LHFPL3: variants seen among roughly 807,000 people sequenced by gnomAD.
The protein encoded by LHFPL3 is LHFPL tetraspan subfamily member 3 protein.
In LHFPL3, 5 loss-of-function variants were observed where a neutral mutation model predicts 19.3. That is an observed-to-expected ratio of 0.26 (90% confidence interval 0.14 to 0.54). The LOEUF (loss-of-function observed/expected upper bound fraction) is 0.54, where lower values mean the gene tolerates loss of function less well. Ranked by LOEUF, LHFPL3 falls within the 20% of genes least tolerant of loss-of-function variation. LHFPL3 has a pLI of 0.94. For missense variants in LHFPL3, 249 were observed against 307.4 expected, an observed-to-expected ratio of 0.81 and a Z score of 1.42; for synonymous variants, 133 against 126.2, an observed-to-expected ratio of 1.05 and a Z score of -0.36.
chr7:104,475,806 G>A (rs1792999090), intron 1 of LHFPL3, among the ~76,000 whole-genome samples: 1 of 152,196 alleles, frequency 6.6e-6, no homozygotes, highest in Non-Finnish European at 1.5e-5. Context: ...TGATTTCGGG[G>A]AAGGCTTGTT....
chr7:104,862,048 C>A (rs540825785), intron 2 of LHFPL3, among the ~76,000 whole-genome samples: 6 of 151,988 alleles, frequency 3.9e-5, no homozygotes, highest in Admixed American at 6.6e-5. Flanking sequence ...GCGATGCTGC[C>A]GAGTATCTCT....
chr7:104,386,849 A>G (rs889032490), intron 1 of LHFPL3, among the ~76,000 whole-genome samples: 1 of 151,730 alleles, frequency 6.6e-6, no homozygotes, highest in Non-Finnish European at 1.5e-5. Flanking sequence ...AAAACACAAA[A>G]GAGCACCAAC....
intron 1 of LHFPL3, among the ~76,000 whole-genome samples, chr7:104,501,052 T>C (rs1793590633): frequency 1.3e-5 from 2 of 152,208 alleles, no homozygotes; most frequent in Admixed American, 1.3e-4. Flanking sequence ...CTCTTGCCTC[T>C]GCATCTTTAT....
At chr7:104,438,307 A>G (rs1431283101) in intron 1 of LHFPL3, among the ~76,000 whole-genome samples, 1 of 152,164 alleles carries the variant, frequency 6.6e-6, no homozygotes, top group African/African-American at 2.4e-5. Context: ...TTTCTCTGTA[A>G]TCTTACCTTG....
At chr7:104,550,798 G>T (rs897292331) in intron 1 of LHFPL3, among the ~76,000 whole-genome samples, 3 of 152,092 alleles carry the variant, frequency 2.0e-5, no homozygotes, top group Admixed American at 1.3e-4. Flanking sequence ...TCATTTTTAT[G>T]ATTTTAAACA....
intron 1 of LHFPL3, among the ~76,000 whole-genome samples, chr7:104,504,164 T>C (rs41033): frequency 0.2 from 30,610 of 152,084 alleles, 4,247 homozygotes; most frequent in African/African-American, 0.39. Context: ...TCTACTTCTT[T>C]ATGTGGAATT....
intron 1 of LHFPL3, among the ~76,000 whole-genome samples, chr7:104,468,278 C>T (rs866911217): frequency 7.9e-5 from 12 of 152,142 alleles, no homozygotes; most frequent in South Asian, 4.1e-4. Flanking sequence ...AACCAAAACT[C>T]GTATGAGGGT....
intron 2 of LHFPL3, among the ~76,000 whole-genome samples, chr7:104,794,984 T>G (rs1790092184): frequency 6.6e-6 from 1 of 152,232 alleles, no homozygotes; most frequent in African/African-American, 2.4e-5. Flanking sequence ...ATAATCCAAC[T>G]AGGTGGTTAG....
intron 1 of LHFPL3, among the ~76,000 whole-genome samples, chr7:104,482,823 G>A (rs1235322405): frequency 6.6e-6 from 1 of 152,188 alleles, no homozygotes; most frequent in Non-Finnish European, 1.5e-5. Flanking sequence ...CAGCTCCCGG[G>A]CTGGCTGTGG....
At chr7:104,819,690 C>G (rs1321263520) in intron 2 of LHFPL3, among the ~76,000 whole-genome samples, 17 of 152,206 alleles carry the variant, frequency 1.1e-4, no homozygotes, top group East Asian at 1.9e-4. Flanking sequence ...AAGTCCTTTG[C>G]TTGAAAGTAA....
chr7:104,425,839 G>A (rs532913479), intron 1 of LHFPL3, among the ~76,000 whole-genome samples: 3 of 152,294 alleles, frequency 2.0e-5, no homozygotes, highest in Non-Finnish European at 4.4e-5. Context: ...TAAATGGAGT[G>A]TTCCTTTCAC....
At chr7:104,557,477 G>C (rs937710744) in intron 1 of LHFPL3, among the ~76,000 whole-genome samples, 2 of 151,904 alleles carry the variant, frequency 1.3e-5, no homozygotes, top group Admixed American at 6.6e-5. Context: ...TGAGAACAGC[G>C]CAGGAAAGAC....
chr7:104,430,419 C>CATATATATATGTAT (rs1791959875), intron 1 of LHFPL3, among the ~76,000 whole-genome samples: 1 of 14,662 alleles, frequency 6.8e-5, no homozygotes, highest in Non-Finnish European at 1.4e-4. Context: ...TATATATATA[C>CATATATATATGTAT]ATATATATAT....
chr7:104,404,111 C>T (rs952879652), intron 1 of LHFPL3, among the ~76,000 whole-genome samples: 1 of 152,140 alleles, frequency 6.6e-6, no homozygotes, highest in African/African-American at 2.4e-5. Context: ...CAGCCCTTTA[C>T]AGAAAAAACT....
chr7:104,687,747 C>G (rs1425953709), intron 1 of LHFPL3, among the ~76,000 whole-genome samples: 1 of 152,166 alleles, frequency 6.6e-6, no homozygotes, highest in Non-Finnish European at 1.5e-5. Context: ...CAACAGGCAC[C>G]AGTATTGATA....
At chr7:104,762,713 T>G (rs1212374118) in intron 2 of LHFPL3, among the ~76,000 whole-genome samples, 1 of 152,226 alleles carries the variant, frequency 6.6e-6, no homozygotes. Context: ...AGTCATTATT[T>G]CACTTAATCC....
At chr7:104,387,269 A>G (rs1316855257) in intron 1 of LHFPL3, among the ~76,000 whole-genome samples, 3 of 152,066 alleles carry the variant, frequency 2.0e-5, no homozygotes, top group African/African-American at 7.2e-5. Context: ...TTGGGAGGCT[A>G]AGGCAGGAGA....
chr7:104,335,483 A>G (rs968194716), intron 1 of LHFPL3, among the ~76,000 whole-genome samples: 5 of 152,234 alleles, frequency 3.3e-5, no homozygotes, highest in African/African-American at 9.6e-5. Context: ...ATTGGAAGAG[A>G]TGTTAGAAAA....
intron 1 of LHFPL3, among the ~76,000 whole-genome samples, chr7:104,463,010 T>A (rs1168361359): frequency 6.6e-6 from 1 of 152,190 alleles, no homozygotes; most frequent in Non-Finnish European, 1.5e-5. Context: ...TTGTAGTTTT[T>A]CTAGTTTATA....
Sources: allele counts gnomAD v4.1 joint callset (sites outside exome capture counted in the v4.1 genomes callset), GRCh38; gene constraint gnomAD v4.1.1; transcripts MANE v1.5; gene names NCBI Gene and HGNC (gene_info 2026-07-23, HGNC 2026-07-21).